Variants in CARS1 observed in about 807,000 individuals in gnomAD.
CARS1 encodes cysteine--tRNA ligase, cytoplasmic.
A neutral mutation model predicts 106.2 loss-of-function variants in CARS1; 48 were observed. That is an observed-to-expected ratio of 0.45 (90% CI 0.36 to 0.57). The LOEUF is 0.57. CARS1 is among the 20% of genes least tolerant of loss of function. The pLI, the probability that CARS1 is intolerant of heterozygous loss-of-function variation, is 0.00. For missense variants in CARS1, 968 were observed against 1,057.2 expected, an observed-to-expected ratio of 0.92 and a Z score of 1.17; for synonymous variants, 409 against 403.4, an observed-to-expected ratio of 1.01 and a Z score of -0.17.
At position 3,020,232 on chromosome 11, in the gene CARS1, G is replaced by A; in HGVS notation, c.1254C>T (p.Cys418=). ...GCCACTCGCTCACCTTTCCCCAAGGGCACGGCCAGGACGGTTCTCCGGGCT... is the reference window on the plus strand; with the variant it reads ...GCCACTCGCTCACCTTTCCCCAAGGACACGGCCAGGACGGTTCTCCGGGCT... ...ASKPGEPSWP[C]PWGKGRPGWH... Residue 418 remains cysteine (C), a synonymous_variant, in exon 11 of 23, where the codon TGC becomes TGT. Coordinates refer to ENST00000380525, the MANE Select transcript of CARS1 (RefSeq NM_001014437.3). The surrounding 1 kb of genome is among the most constrained non-coding windows in gnomAD (Gnocchi z 4.6). 6.2e-7 allele frequency: 1 copy of A among 1,604,490 alleles called. No homozygotes were observed. The highest frequency in any genetic ancestry group is 8.5e-7 in the Non-Finnish European group (1 of 1,171,124).
In CARS1 at chr11:3,021,393, G is replaced by A. The variant is rs571141985; in HGVS notation, c.1154-1061C>T. Among the ~76,000 whole-genome samples the A allele has an allele frequency of 6.6e-6, 1 of 152,286 alleles. No individual in the cohort carries two copies. The highest frequency in any genetic ancestry group is 6.5e-5 in the Admixed American group (1 of 15,292). On this transcript the variant is annotated intron_variant, in intron 10 of 22. Coordinates refer to ENST00000380525, the MANE Select transcript of CARS1 (RefSeq NM_001014437.3). The surrounding 1 kb of genome is among the most constrained non-coding windows in gnomAD (Gnocchi z 5.3). ...CTGCCTTAGGTGCTGTCACCCCCTT[G>A]TGGAGGAAGAACAGACTCCATCTAG... is the stretch of plus-strand genomic sequence containing the variant.
rs769654184 is a variant in CARS1, at chr11:3,012,280, C to CT, written c.1987-5_1987-4insA. ...AGGGCATGACTGTGGCCTCGAGCTGCGGAAAGAACAGTTTTGGTTCACTGA... is the reference window on the plus strand; with the variant it reads ...AGGGCATGACTGTGGCCTCGAGCTGCTGGAAAGAACAGTTTTGGTTCACTGA... On this transcript the variant is annotated splice_region_variant and splice_polypyrimidine_tract_variant and intron_variant, in intron 17 of 22. Transcript: ENST00000380525. The CT allele has an allele frequency of 3.1e-6, 5 of 1,613,934 alleles. No individual in the cohort carries two copies. The highest frequency in any genetic ancestry group is 1.3e-5 in the African/African-American group (1 of 75,052).
Position 3,015,833 on chromosome 11 carries a change from T to A in CARS1, c.1934A>T (p.Glu645Val). The A allele has an allele frequency of 6.2e-7, 1 of 1,614,130 alleles. No homozygotes were observed. The change falls in exon 17 of 23, where the codon GAA becomes GTA. Residue 645 changes from glutamate to valine, a missense_variant. Glu to Val is a moderately radical substitution (Grantham distance 121). Transcript: ENST00000380525. Reference protein sequence around the residue: ...THMLKIFGAVEEDSSLGFPVG... With the variant: ...THMLKIFGAVVEDSSLGFPVG... Reference sequence around the variant, plus strand: ...CGGGAATCCCAGGGAGCTGTCCTCTTCTACGGCCCCAAAGATCTAGGAAAA... The same window carrying A: ...CGGGAATCCCAGGGAGCTGTCCTCTACTACGGCCCCAAAGATCTAGGAAAA...
chr11:3,009,867 G>A (rs1330884127), intron 18 of CARS1, among the ~76,000 whole-genome samples: 1 of 152,212 alleles, frequency 6.6e-6, no homozygotes, highest in Non-Finnish European at 1.5e-5. Flanking sequence ...GCCATGAGAT[G>A]TTAACAGTGA....
At chr11:3,054,195 G>A (rs1015623734) in intron 1 of CARS1, among the ~76,000 whole-genome samples, 14 of 152,178 alleles carry the variant, frequency 9.2e-5, no homozygotes, top group East Asian at 3.9e-4. Flanking sequence ...CACCAGCCCC[G>A]GAGGTCCAGC....
intron 16 of CARS1, among the ~76,000 whole-genome samples, chr11:3,016,386 A>C (rs903537559): frequency 4.0e-5 from 6 of 151,682 alleles, no homozygotes; most frequent in African/African-American, 1.5e-4. Flanking sequence ...ATGCCTGGCT[A>C]GTTTTTTGTA....
At chr11:3,012,011 G>A (rs1034104077) in intron 18 of CARS1, among the ~76,000 whole-genome samples, 184 bp downstream of exon 18, 2 of 152,246 alleles carry the variant, frequency 1.3e-5, no homozygotes, top group Non-Finnish European at 2.9e-5. Context: ...TGACTGGAGC[G>A]TGTGGTACTA....
Position 3,029,595 on chromosome 11 carries a change from T to A in CARS1, c.802-152A>T. The A allele has an allele frequency of 1.4e-6, 1 of 725,186 alleles. No homozygotes were observed. The highest frequency in any genetic ancestry group is 2.2e-6 in the Non-Finnish European group (1 of 451,378). 44.9% of individuals were successfully genotyped at this position (725,186 alleles called of 1,614,324 possible). On this transcript the variant is annotated intron_variant, in intron 7 of 22. Transcript: ENST00000380525. The surrounding 1 kb of genome is among the most constrained non-coding windows in gnomAD (Gnocchi z 5.9). ...CCGTCTCCTAGGGAGACTGTGATGC[T>A]TACACAACTGGCTCGGCAGGGACAA...
Position 3,018,740 on chromosome 11 carries a change from CA to C in CARS1, c.1404del (p.Phe468LeufsTer16). 1 of 1,613,518 alleles carries C rather than the reference CA, an allele frequency of 6.2e-7. No individual in the cohort carries two copies. Among genetic ancestry groups the C allele is most frequent in the Non-Finnish European group, 8.5e-7 (1 of 1,179,702 alleles). On this transcript the variant is annotated frameshift_variant, in exon 13 of 23. Coordinates refer to ENST00000380525, the MANE Select transcript of CARS1 (RefSeq NM_001014437.3). LOFTEE classifies it high-confidence loss of function. ...AAGTACCTGACCCAGCAGTCGTTTT[CA>C]AAGTAGGCCTGCGTGGAAAGAGACA... ...DNELAQSEAYFENDCWVRYFL... is the reference protein window; with the variant it reads ...DNELAQSEAYXENDCWVRYFL...
Position 3,048,251 on chromosome 11 carries a change from T to C in CARS1, c.26-250A>G, listed in dbSNP as rs1855314746. On this transcript the variant is annotated intron_variant, in intron 1 of 22. Coordinates refer to ENST00000380525, the MANE Select transcript of CARS1 (RefSeq NM_001014437.3). The surrounding 1 kb of genome is among the most constrained non-coding windows in gnomAD (Gnocchi z 5.1). The stretch of plus-strand genomic sequence containing the variant: ...AAAATGCTTTGGAACTAGACAGAAA[T>C]GAAGGCTGCATGACAACATCATGCG... 2 of 464,402 alleles carry C rather than the reference T, an allele frequency of 4.3e-6. No individual in the cohort carries two copies. The highest frequency in any genetic ancestry group is 7.7e-6 in the Non-Finnish European group (2 of 258,736). 28.8% of individuals were successfully genotyped at this position (464,402 alleles called of 1,614,324 possible).
In CARS1 at chr11:3,038,219, T is replaced by A. The variant is rs750535820; in HGVS notation, c.652-20A>T. 2 of 1,610,296 alleles carry A rather than the reference T, an allele frequency of 1.2e-6. No homozygotes were observed. The highest frequency in any genetic ancestry group is 4.5e-5 in the East Asian group (2 of 44,836). On this transcript the variant is annotated intron_variant, in intron 6 of 22. Transcript: ENST00000380525. The surrounding 1 kb of genome is among the most constrained non-coding windows in gnomAD (Gnocchi z 4.0). ...AAATGGCTGCAACCATAAAGAGACG[T>A]CAAATCTATTAGATACTGCTCAGCA... is the stretch of plus-strand genomic sequence containing the variant.
At chr11:3,018,028 C>T in intron 14 of CARS1, 74 bp from the exon 15 acceptor site, 3 of 921,506 alleles carry the variant, frequency 3.3e-6, no homozygotes, top group South Asian at 1.4e-5. Flanking sequence ...CAACTTTCTA[C>T]TGCTGTGATT....
chr11:3,035,103 G>C (rs1278165899), intron 7 of CARS1, among the ~76,000 whole-genome samples: 1 of 152,054 alleles, frequency 6.6e-6, no homozygotes, highest in Admixed American at 6.5e-5. Flanking sequence ...CTCATGACTC[G>C]ATCACCTCTA....
intron 21 of CARS1, chr11:3,002,303 A>G: frequency 1.5e-6 from 1 of 687,596 alleles, no homozygotes; most frequent in South Asian, 1.8e-5. Flanking sequence ...AAGTCTATAA[A>G]CGCTGTCTTG....
chr11:3,002,466 C>G (rs1849479439), intron 21 of CARS1, 75 bp downstream of exon 21: 46 of 1,594,802 alleles, frequency 2.9e-5, no homozygotes, highest in South Asian at 1.1e-5. Context: ...CACGGAGGCA[C>G]AGAGAGCCAC....
chr11:3,012,614 G>T (rs1456047435), intron 17 of CARS1, among the ~76,000 whole-genome samples: 1 of 152,210 alleles, frequency 6.6e-6, no homozygotes, highest in Non-Finnish European at 1.5e-5. Context: ...TGTCTTTATG[G>T]TTTCAGAGGG....
Position 3,052,208 on chromosome 11 carries a change from G to A in CARS1, c.26-4207C>T, listed in dbSNP as rs1855768267. Among the ~76,000 whole-genome samples the A allele has an allele frequency of 6.6e-6, 1 of 152,228 alleles. No individual in the cohort carries two copies. Among genetic ancestry groups the A allele is most frequent in the South Asian group, 2.1e-4 (1 of 4,830 alleles). On this transcript the variant is annotated intron_variant, in intron 1 of 22. Transcript: ENST00000380525. The surrounding 1 kb of genome is among the most constrained non-coding windows in gnomAD (Gnocchi z 4.6). ...TGTATCCGCTCTCTGGAGACCTGAG[G>A]GGCGGCCCCGACGCCCTCCAGGGCT...
Position 3,038,557 on chromosome 11 carries a change from A to G in CARS1, c.652-358T>C, listed in dbSNP as rs145062961. Among the ~76,000 whole-genome samples the G allele has an allele frequency of 2.8e-3, 430 of 152,328 alleles. 1 individual carries two copies. Among genetic ancestry groups the G allele is most frequent in the Middle Eastern group, 6.8e-3 (2 of 294 alleles). ...TGTGCTGCAGACACATCCATCAGGA[A>G]GGTACTCAGGCCTCACTGACCTAAA... On this transcript the variant is annotated intron_variant, in intron 6 of 22. Transcript: ENST00000380525. This position sits in a 1 kb window ranked among gnomAD's most constrained non-coding sequence, Gnocchi z 4.0.
chr11:3,039,610 C>T lies in CARS1; in HGVS notation c.552+225G>A, dbSNP rs998533130. 1.3e-5 allele frequency among the ~76,000 whole-genome samples: 2 copies of T among 152,262 alleles called. No individual in the cohort carries two copies. The highest frequency in any genetic ancestry group is 2.1e-4 in the South Asian group (1 of 4,828). On this transcript the variant is annotated intron_variant, in intron 5 of 22. Transcript: ENST00000380525. The surrounding 1 kb of genome is among the most constrained non-coding windows in gnomAD (Gnocchi z 5.6). ...CCTTCTGCAAAACACCCAGGGCTAC[C>T]GACCCCTGAGCAACATGCAGGTTTC...
Sources: gnomAD v4.1 joint callset for allele counts (sites outside exome capture counted in the v4.1 genomes callset) on GRCh38, gnomAD v4.1.1 for gene constraint, Gnocchi (gnomAD v3.1) non-coding constraint, MANE v1.5 for transcripts, NCBI Gene and HGNC (gene_info 2026-07-23, HGNC 2026-07-21) for gene names.